Variants in LOC128462377 observed in about 807,000 individuals in gnomAD.
chr16:89,371,882 G>A, the LOC128462377 span, among the ~76,000 whole-genome samples: 4 of 152,232 alleles, frequency 2.6e-5, no homozygotes, highest in South Asian at 2.1e-4. Flanking sequence ...CCTGGTGACC[G>A]TGTGACTCCA....
chr16:89,389,844 G>A, the LOC128462377 span, among the ~76,000 whole-genome samples: 14 of 145,464 alleles, frequency 9.6e-5, no homozygotes, highest in Admixed American at 2.0e-4. Flanking sequence ...CGAGTGTGGC[G>A]GGGAGCACCG....
chr16:89,368,256 C>A, the LOC128462377 span, among the ~76,000 whole-genome samples: 1 of 151,538 alleles, frequency 6.6e-6, no homozygotes, highest in African/African-American at 2.4e-5. Flanking sequence ...ACTGCAGTGG[C>A]ACAATCTCGG....
chr16:89,333,755 C>T, the LOC128462377 span, among the ~76,000 whole-genome samples: 1 of 152,226 alleles, frequency 6.6e-6, no homozygotes, highest in East Asian at 1.9e-4. Flanking sequence ...TGGCTGCTTC[C>T]AAGTTTTGGC....
chr16:89,393,017 A>G, the LOC128462377 span, among the ~76,000 whole-genome samples: 153 of 151,638 alleles, frequency 1.0e-3, 2 homozygotes, highest in South Asian at 0.03. Context: ...TTCACATTCT[A>G]CTTCTTATTC....
At chr16:89,396,123 A>G in the LOC128462377 span, 14 of 152,362 alleles carry the variant, frequency 9.2e-5, 1 homozygote, top group East Asian at 2.7e-3. Context: ...CTTGTTGTCA[A>G]TGTGAAAATT....
chr16:89,383,027 A>G, the LOC128462377 span, among the ~76,000 whole-genome samples: 419 of 152,284 alleles, frequency 2.8e-3, no homozygotes, highest in African/African-American at 9.2e-3. Context: ...ACTTTTAATA[A>G]AGGTAGTTAT....
the LOC128462377 span, among the ~76,000 whole-genome samples, chr16:89,345,037 G>A: frequency 2.6e-5 from 4 of 152,124 alleles, no homozygotes; most frequent in Admixed American, 6.5e-5. Flanking sequence ...AAGGCCAAGC[G>A]GTGCTCCAGG....
the LOC128462377 span, among the ~76,000 whole-genome samples, chr16:89,346,250 GAAAAAAAAA>G: frequency 1.0e-5 from 1 of 96,880 alleles, no homozygotes; most frequent in Non-Finnish European, 1.9e-5. Context: ...CCCGTCTCAG[GAAAAAAAAA>G]AAAAAAAAAA....
chr16:89,379,428 T>TC, the LOC128462377 span, among the ~76,000 whole-genome samples: 1 of 152,218 alleles, frequency 6.6e-6, no homozygotes, highest in Non-Finnish European at 1.5e-5. Flanking sequence ...GGCCTCCTGC[T>TC]CCACACCCTG....
the LOC128462377 span, among the ~76,000 whole-genome samples, chr16:89,408,435 C>T: frequency 2.0e-5 from 3 of 152,340 alleles, no homozygotes; most frequent in South Asian, 6.2e-4. Flanking sequence ...GTACACAGGC[C>T]GTTAGAAACG....
At chr16:89,347,373 G>C in the LOC128462377 span, among the ~76,000 whole-genome samples, 89 of 152,264 alleles carry the variant, frequency 5.8e-4, no homozygotes, top group African/African-American at 2.1e-3. Context: ...ACTTTGAGAG[G>C]CCAAGATAGG....
At chr16:89,349,597 C>T in the LOC128462377 span, among the ~76,000 whole-genome samples, 1 of 152,086 alleles carries the variant, frequency 6.6e-6, no homozygotes, top group African/African-American at 2.4e-5. Context: ...AATTGAATAT[C>T]CTCATGCAAA....
chr16:89,405,641 T>A, the LOC128462377 span, among the ~76,000 whole-genome samples: 2 of 151,978 alleles, frequency 1.3e-5, no homozygotes, highest in Non-Finnish European at 2.9e-5. Context: ...GCTTTCTAGG[T>A]AACTTTCCTA....
chr16:89,415,334 G>C, the LOC128462377 span, among the ~76,000 whole-genome samples: 9 of 141,102 alleles, frequency 6.4e-5, no homozygotes, highest in Non-Finnish European at 1.2e-4. Context: ...GTGCGATCTC[G>C]GTTTACTGCA....
At chr16:89,354,685 C>G in the LOC128462377 span, among the ~76,000 whole-genome samples, 2 of 152,204 alleles carry the variant, frequency 1.3e-5, no homozygotes, top group African/African-American at 4.8e-5. Context: ...AGTTCAAGAC[C>G]AGCCTGGCTA....
At chr16:89,349,406 G>A in the LOC128462377 span, among the ~76,000 whole-genome samples, 12 of 151,952 alleles carry the variant, frequency 7.9e-5, no homozygotes, top group Non-Finnish European at 1.2e-4. Context: ...CGTGAACCCG[G>A]GAGGCGGAGC....
the LOC128462377 span, among the ~76,000 whole-genome samples, chr16:89,319,403 T>C: frequency 6.6e-6 from 1 of 152,102 alleles, no homozygotes; most frequent in African/African-American, 2.4e-5. Context: ...CCAGGCAAAA[T>C]ACTTTTCACG....
At chr16:89,388,437 G>A in the LOC128462377 span, among the ~76,000 whole-genome samples, 5 of 151,636 alleles carry the variant, frequency 3.3e-5, no homozygotes, top group Non-Finnish European at 7.4e-5. Context: ...GCCTCCATGA[G>A]GTTGATTTTT....
chr16:89,380,870 G>A, the LOC128462377 span, among the ~76,000 whole-genome samples: 363 of 152,318 alleles, frequency 2.4e-3, 4 homozygotes, highest in Non-Finnish European at 2.6e-3. Context: ...AGGCCTACAC[G>A]GGGCAATGCA....
Sources: gnomAD v4.1 joint callset for allele counts (sites outside exome capture counted in the v4.1 genomes callset) on GRCh38, gnomAD v4.1.1 for gene constraint, MANE v1.5 for transcripts.